Variants in FLYWCH1 observed in about 807,000 individuals in gnomAD.
The protein encoded by FLYWCH1 is FLYWCH-type zinc finger 1, also known as FLYWCH-type zinc finger-containing protein 1.
In FLYWCH1, 75 loss-of-function variants were observed where a neutral mutation model predicts 66.4. The observed-to-expected ratio is 1.13, with a 90% confidence interval of 0.94 to 1.37. FLYWCH1 has a LOEUF of 1.37. FLYWCH1 is among the 40% of genes most tolerant of loss of function. The pLI is 0.00. For synonymous variants in FLYWCH1, 595 were observed against 429.9 expected (o/e 1.38, Z -4.75); for missense variants, 1,334 against 1,001.8 (o/e 1.33, Z -4.48).
chr16:2,914,449 C>T (rs894449403), intron 2 of FLYWCH1, among the ~76,000 whole-genome samples, 160 bp downstream of exon 2: 30 of 152,222 alleles, frequency 2.0e-4, no homozygotes, highest in African/African-American at 6.3e-4. Context: ...AGGACCGCAG[C>T]GTCCCAGTAG....
At chr16:2,925,588 T>A (rs1252609281) in intron 2 of FLYWCH1, among the ~76,000 whole-genome samples, 5 of 76,812 alleles carry the variant, frequency 6.5e-5, no homozygotes, top group East Asian at 3.9e-4. Flanking sequence ...GGGAGGGGGG[T>A]ACGGGGCTTT....
At position 2,933,715 on chromosome 16, in the gene FLYWCH1, G is replaced by A. The variant is rs779102221; in HGVS notation, c.1250-1G>A. On this transcript the variant is annotated splice_acceptor_variant, in intron 5 of 9. Transcript: ENST00000253928. LOFTEE classifies it high-confidence loss of function. ...CCTGACTGCCTCTTGAACCTCCCCA[G>A]GAGGCCCTGAGTTCCTGAAGACGCC... is the stretch of plus-strand genomic sequence containing the variant. 6.2e-6 allele frequency: 10 copies of A among 1,611,352 alleles called. No individual in the cohort carries two copies. The Admixed American group carries it at 1.5e-4, about 24-fold the overall frequency.
chr16:2,933,547 C>CTT lies in FLYWCH1; in HGVS notation c.1214_1215insTT (p.Pro406SerfsTer18). On this transcript the variant is annotated frameshift_variant, in exon 5 of 10. Transcript: ENST00000253928. LOFTEE classifies it high-confidence loss of function. The stretch of plus-strand genomic sequence containing the variant: ...CAGGAGCTGCCAACCCAGCCCGAGG[C>CTT]CCCAGACGAGCACCAGGACATGGAC... 1.9e-6 allele frequency: 3 copies of CTT among 1,605,788 alleles called. No individual in the cohort carries two copies. Among genetic ancestry groups the CTT allele is most frequent in the Non-Finnish European group, 2.6e-6 (3 of 1,175,964 alleles).
chr16:2,948,701 G>A lies in FLYWCH1; in HGVS notation c.2125G>A (p.Val709Ile), dbSNP rs117069249. The A allele has an allele frequency of 1.4e-3, 2,245 of 1,613,844 alleles. 55 individuals carry two copies. In the East Asian group the frequency reaches 0.043, roughly 31 times the overall value. The change falls in exon 10 of 10, where the codon GTC (valine) becomes ATC (isoleucine). Residue 709 changes from valine to isoleucine, a missense_variant. Transcript: ENST00000253928. ...CTTTGTAATTAGGGACATCAAAGAC[G>A]TCAGACTGGATGGCGAGTCCCAGTG... ...SQQIYGDIKD[V>I]RLDGESQ
At chr16:2,930,040 C>A (rs779614685) in intron 3 of FLYWCH1, 30 bp downstream of exon 3, 24 of 1,577,000 alleles carry the variant, frequency 1.5e-5, no homozygotes, top group Non-Finnish European at 2.0e-5. Context: ...CCCTGCCCAG[C>A]CACCCCGTGG....
rs1489071313 is a variant in FLYWCH1, at chr16:2,938,234, C to T, written c.1828C>T (p.Leu610=). The T allele has an allele frequency of 1.2e-6, 2 of 1,613,124 alleles. No individual in the cohort carries two copies. Among genetic ancestry groups the T allele is most frequent in the Non-Finnish European group, 8.5e-7 (1 of 1,179,644 alleles). Reference sequence around the variant, plus strand: ...GAGGACTTCCCTGGGGGGCAGGTTCCTGGTGCACGAGTCCTTCCTCTACAG... The same window carrying T: ...GAGGACTTCCCTGGGGGGCAGGTTCTTGGTGCACGAGTCCTTCCTCTACAG... ...FLRTSLGGRF[L]VHESFLYRKE... is the part of the protein sequence containing the mutation. Residue 610 remains leucine (L), a synonymous_variant, in exon 8 of 10, where the codon CTG becomes TTG. Transcript: ENST00000253928.
At position 2,937,217 on chromosome 16, in the gene FLYWCH1, A is replaced by G; in HGVS notation, c.1610A>G (p.Tyr537Cys). The G allele has an allele frequency of 6.5e-7, 1 of 1,538,566 alleles. No individual in the cohort carries two copies. Among genetic ancestry groups the G allele is most frequent in the Non-Finnish European group, 8.7e-7 (1 of 1,144,258 alleles). Reference protein sequence around the residue: ...RREKAAGEKVYWTCRDQARMG... With the variant: ...RREKAAGEKVCWTCRDQARMG... ...GAGAAGGCGGCCGGGGAGAAGGTGT[A>G]TTGGACCTGCCGGGACCAGGCCCGC... is the stretch of plus-strand genomic sequence containing the variant. The change falls in exon 7 of 10, where the codon TAT becomes TGT. Residue 537 changes from tyrosine (Y) to cysteine (C), a missense_variant. Tyr to Cys is a radical substitution (Grantham distance 194). Transcript: ENST00000253928.
chr16:2,933,334 A>C lies in FLYWCH1; in HGVS notation c.1001A>C (p.Asp334Ala). 1 of 1,609,068 alleles carries C rather than the reference A, an allele frequency of 6.2e-7. No homozygotes were observed. The highest frequency in any genetic ancestry group is 8.5e-7 in the Non-Finnish European group (1 of 1,178,176). The part of the protein sequence containing the change: ...TVMRGHCHQP[D>A]MEGLEARRQQ... ...ATGCGTGGGCACTGCCACCAGCCCG[A>C]TATGGAGGGCCTGGAAGCCCGGCGG... Residue 334 changes from aspartate to alanine, a missense_variant, in exon 5 of 10, where the codon GAT (aspartate) becomes GCT (alanine). By Grantham distance (126) the Asp-to-Ala change is moderately radical. Transcript: ENST00000253928.
chr16:2,936,969 TG>T, intron 6 of FLYWCH1, 151 bp from the exon 7 acceptor site: 1 of 971,090 alleles, frequency 1.0e-6, no homozygotes, highest in Non-Finnish European at 1.5e-6. Context: ...CCAGCAGAGT[TG>T]GGGGGATGGT....
At chr16:2,936,178 T>G (rs959092895) in intron 6 of FLYWCH1, 2 of 322,390 alleles carry the variant, frequency 6.2e-6, no homozygotes, top group African/African-American at 4.4e-5. Context: ...CCCAAAGTGC[T>G]GGGATTACAG....
chr16:2,924,348 A>G (rs900127554), intron 2 of FLYWCH1, among the ~76,000 whole-genome samples: 1 of 151,420 alleles, frequency 6.6e-6, no homozygotes, highest in African/African-American at 2.4e-5. Flanking sequence ...AAAAAAAAGT[A>G]AAAAGCCAGA....
Position 2,930,500 on chromosome 16 carries a change from TG to T in FLYWCH1, c.421del (p.Asp141ThrfsTer28). On this transcript the variant is annotated frameshift_variant, in exon 4 of 10. Coordinates refer to ENST00000253928, the MANE Select transcript of FLYWCH1 (RefSeq NM_001308068.2). LOFTEE classifies it high-confidence loss of function. ...TTCCTGTACAAGCAGGAGAAGGCAG[TG>T]GGGGACAAGGTGTACTGGAAGTGCC... ...ESFLYKQEKA[V>X]GDKVYWKCRQ... 1 of 1,533,844 alleles carries T rather than the reference TG, an allele frequency of 6.5e-7. No individual in the cohort carries two copies. The highest frequency in any genetic ancestry group is 8.7e-7 in the Non-Finnish European group (1 of 1,145,222).
At position 2,943,137 on chromosome 16, in the gene FLYWCH1, C is replaced by T. The variant is rs113483456; in HGVS notation, c.2111+3045C>T. 9.1e-3 allele frequency among the ~76,000 whole-genome samples: 1,388 copies of T among 152,220 alleles called. 21 individuals are homozygous for T. Among genetic ancestry groups the T allele is most frequent in the African/African-American group, 0.032 (1,336 of 41,524 alleles). On this transcript the variant is annotated intron_variant, in intron 9 of 9. Coordinates refer to ENST00000253928, the MANE Select transcript of FLYWCH1 (RefSeq NM_001308068.2). ...TGCTTTTCTTCTGAGCCTGGCATTTCGGTGACCATATTCAGTCACGCAGGC... is the reference window on the plus strand; with the variant it reads ...TGCTTTTCTTCTGAGCCTGGCATTTTGGTGACCATATTCAGTCACGCAGGC...
chr16:2,947,865 C>T (rs184476332), intron 9 of FLYWCH1, among the ~76,000 whole-genome samples: 1 of 151,518 alleles, frequency 6.6e-6, no homozygotes. Context: ...AGAACCCCAT[C>T]TCTACAAAAA....
At chr16:2,932,253 G>A (rs536025371) in intron 4 of FLYWCH1, among the ~76,000 whole-genome samples, 8 of 141,684 alleles carry the variant, frequency 5.6e-5, no homozygotes, top group Non-Finnish European at 1.1e-4. Context: ...CCTGGGCGAC[G>A]TGGCAGGACC....
At chr16:2,920,703 G>A (rs1398440170) in intron 2 of FLYWCH1, among the ~76,000 whole-genome samples, 1 of 151,554 alleles carries the variant, frequency 6.6e-6, no homozygotes, top group Non-Finnish European at 1.5e-5. Flanking sequence ...CACCATGCCT[G>A]GCTATTTTTG....
Position 2,923,721 on chromosome 16 carries a change from G to A in FLYWCH1, c.-73-5892G>A, listed in dbSNP as rs144677453. ...GTTTTATGTCAGATATTTCATAACC[G>A]TTTGCATTATTCCATCTATTAAAAA... On this transcript the variant is annotated intron_variant, in intron 2 of 9. Coordinates refer to ENST00000253928, the MANE Select transcript of FLYWCH1 (RefSeq NM_001308068.2). 5.9e-5 allele frequency among the ~76,000 whole-genome samples: 9 copies of A among 152,156 alleles called. No individual in the cohort carries two copies. In the East Asian group the frequency reaches 1.7e-3, roughly 29 times the overall value.
Position 2,949,112 on chromosome 16 carries a change from A to AC in FLYWCH1, c.*386dup. On this transcript the variant is annotated 3_prime_UTR_variant, in exon 10 of 10. Transcript: ENST00000253928. ...CTGGCGAGGCCCCGCTCTGCTCAGC[A>AC]CGGTGCAAAGTGAATGCTGCTGTCT... 1 of 275,320 alleles carries AC rather than the reference A, an allele frequency of 3.6e-6. No homozygotes were observed. The highest frequency in any genetic ancestry group is 7.1e-6 in the Non-Finnish European group (1 of 141,208). The allele number at this position is 275,320 out of a possible 1,614,324, so 17.1% of individuals were successfully genotyped here.
intron 9 of FLYWCH1, among the ~76,000 whole-genome samples, chr16:2,945,562 T>TGCAGAGCACTGAGATCGTG (rs2071444376): frequency 4.1e-5 from 6 of 146,942 alleles, no homozygotes; most frequent in Admixed American, 3.4e-4. Context: ...AAGCTGAGGC[T>TGCAGAGCACTGAGATCGTG]GCAGTGCACT....
Sources: gnomAD v4.1 joint callset for allele counts (sites outside exome capture counted in the v4.1 genomes callset) on GRCh38, gnomAD v4.1.1 for gene constraint, MANE v1.5 for transcripts, NCBI Gene and HGNC (gene_info 2026-07-23, HGNC 2026-07-21) for gene names.